ACSS3: variants seen among roughly 807,000 people sequenced by gnomAD.
ACSS3 encodes acyl-CoA synthetase short-chain family member 3, mitochondrial.
In ACSS3, 64 loss-of-function variants were observed where a neutral mutation model predicts 84.2. That is an observed-to-expected ratio of 0.76 (90% CI 0.62 to 0.94). ACSS3 has a LOEUF of 0.94. Ranked by LOEUF, ACSS3 falls within the 40% of genes least tolerant of loss-of-function variation. ACSS3 has a pLI of 0.00. For synonymous variants in ACSS3, 317 were observed against 310.1 expected, an observed-to-expected ratio of 1.02 and a Z score of -0.23; for missense variants, 815 against 867.6, an observed-to-expected ratio of 0.94 and a Z score of 0.76.
At chr12:81,196,526 T>G (rs2031838715) in intron 8 of ACSS3, among the ~76,000 whole-genome samples, 1 of 152,154 alleles carries the variant, frequency 6.6e-6, no homozygotes. Flanking sequence ...ACTAGATATA[T>G]TTTTTGGATT....
At chr12:81,093,605 G>GT (rs34300485) in intron 1 of ACSS3, among the ~76,000 whole-genome samples, 21,504 of 147,734 alleles carry the variant, frequency 0.15, 1,725 homozygotes, top group African/African-American at 0.22. Flanking sequence ...TCCCTTCAGT[G>GT]TTTTTTTTTT....
chr12:81,237,569 T>C (rs1032337383), intron 13 of ACSS3, among the ~76,000 whole-genome samples: 3 of 151,676 alleles, frequency 2.0e-5, no homozygotes, highest in Non-Finnish European at 4.4e-5. Flanking sequence ...ATTTTGAATA[T>C]TACATCATGA....
intron 2 of ACSS3, among the ~76,000 whole-genome samples, chr12:81,118,735 G>C (rs879645774): frequency 6.6e-5 from 10 of 152,134 alleles, no homozygotes; most frequent in East Asian, 3.9e-4. Flanking sequence ...AAGAACAAAG[G>C]CTTCAGTGAG....
At chr12:81,083,265 G>C (rs1408206477) in intron 1 of ACSS3, among the ~76,000 whole-genome samples, 1 of 151,812 alleles carries the variant, frequency 6.6e-6, no homozygotes, top group East Asian at 1.9e-4. Flanking sequence ...GGTAGGCTTT[G>C]TTTGACCTAC....
At chr12:81,227,389 A>G (rs1477303614) in intron 11 of ACSS3, among the ~76,000 whole-genome samples, 3 of 127,408 alleles carry the variant, frequency 2.4e-5, no homozygotes, top group African/African-American at 8.7e-5. Context: ...CATAATGTTG[A>G]GGACTATTTA....
chr12:81,230,586 T>G (rs1166126611), intron 11 of ACSS3, among the ~76,000 whole-genome samples: 2 of 151,822 alleles, frequency 1.3e-5, no homozygotes, highest in African/African-American at 4.8e-5. Context: ...GGGAGGCATA[T>G]TGATTATGAA....
chr12:81,147,357 A>G (rs941537259), intron 5 of ACSS3, among the ~76,000 whole-genome samples: 1 of 152,180 alleles, frequency 6.6e-6, no homozygotes, highest in African/African-American at 2.4e-5. Flanking sequence ...TATACACTAA[A>G]CTGTTCACTC....
At chr12:81,137,885 T>C (rs1199132666) in intron 3 of ACSS3, among the ~76,000 whole-genome samples, 2 of 152,292 alleles carry the variant, frequency 1.3e-5, no homozygotes, top group African/African-American at 4.8e-5. Context: ...CTGCTTTTTT[T>C]TTCCTTTTTG....
intron 1 of ACSS3, among the ~76,000 whole-genome samples, chr12:81,089,547 T>G (rs906208920): frequency 6.6e-6 from 1 of 152,006 alleles, no homozygotes; most frequent in African/African-American, 2.4e-5. Context: ...GATCTAAAAA[T>G]GTTAAATGCT....
intron 7 of ACSS3, among the ~76,000 whole-genome samples, chr12:81,155,981 A>G (rs974034311): frequency 1.3e-5 from 2 of 152,224 alleles, no homozygotes; most frequent in East Asian, 3.8e-4. Flanking sequence ...CAGAATAATT[A>G]CCAAGATAAA....
In ACSS3 at chr12:81,148,493, A is replaced by T. The variant is rs561627025; in HGVS notation, c.922-3351A>T. Among the ~76,000 whole-genome samples, 504 of 152,246 alleles carry T rather than the reference A, an allele frequency of 3.3e-3. 3 individuals are homozygous for T. Among genetic ancestry groups the T allele is most frequent in the African/African-American group, 0.012 (491 of 41,532 alleles). On this transcript the variant is annotated intron_variant, in intron 5 of 15. Coordinates refer to ENST00000548058, the MANE Select transcript of ACSS3 (RefSeq NM_024560.4). Reference sequence around the variant, plus strand: ...TTTACTTGCACTGATTGGATTTTTTAAACACCATAAACATTGTATTTGTCC... The same window carrying T: ...TTTACTTGCACTGATTGGATTTTTTTAACACCATAAACATTGTATTTGTCC...
intron 13 of ACSS3, among the ~76,000 whole-genome samples, chr12:81,244,737 A>T (rs1255522902): frequency 6.6e-6 from 1 of 152,186 alleles, no homozygotes; most frequent in Non-Finnish European, 1.5e-5. Context: ...TTAGAATTTT[A>T]ATCTCTCTGC....
chr12:81,212,624 A>G (rs192206716), intron 9 of ACSS3, among the ~76,000 whole-genome samples: 1 of 152,292 alleles, frequency 6.6e-6, no homozygotes, highest in East Asian at 1.9e-4. Context: ...GTAGTCTTGT[A>G]GTAGTGGGAA....
intron 1 of ACSS3, among the ~76,000 whole-genome samples, chr12:81,087,535 TA>T (rs75213270): frequency 0.066 from 9,834 of 149,454 alleles, 788 homozygotes; most frequent in African/African-American, 0.19. Context: ...TTAGTAAGAC[TA>T]AAAAAAAAAT....
In ACSS3 at chr12:81,228,454, C is replaced by T. The variant is rs562115706; in HGVS notation, c.1515-2603C>T. ...GTGCAACAGCTCTGGAAGCCTGTGT[C>T]CTTAAGGCTTAGTTTTTTCTGGGAG... is the stretch of plus-strand genomic sequence containing the variant. On this transcript the variant is annotated intron_variant, in intron 11 of 15. Coordinates refer to ENST00000548058, the MANE Select transcript of ACSS3 (RefSeq NM_024560.4). Among the ~76,000 whole-genome samples the T allele has an allele frequency of 2.2e-4, 34 of 151,854 alleles. No homozygotes were observed. In the South Asian group the frequency reaches 6.9e-3, roughly 31 times the overall value.
At chr12:81,193,001 G>A (rs558544037) in intron 8 of ACSS3, among the ~76,000 whole-genome samples, 1 of 152,194 alleles carries the variant, frequency 6.6e-6, no homozygotes, top group South Asian at 2.1e-4. Flanking sequence ...AAGGGAGAGA[G>A]AGAGAGATGA....
intron 13 of ACSS3, among the ~76,000 whole-genome samples, chr12:81,252,106 C>A (rs1472435648): frequency 6.6e-6 from 1 of 152,014 alleles, no homozygotes; most frequent in Non-Finnish European, 1.5e-5. Flanking sequence ...TTTGCCCCAA[C>A]CCCTTCTCCT....
At chr12:81,130,255 G>T (rs1276332867) in intron 2 of ACSS3, among the ~76,000 whole-genome samples, 1 of 152,194 alleles carries the variant, frequency 6.6e-6, no homozygotes, top group Non-Finnish European at 1.5e-5. Flanking sequence ...GTGTAAAAAT[G>T]TTCCTATTTC....
intron 4 of ACSS3, 113 bp from the exon 5 acceptor site, chr12:81,142,994 T>G: frequency 1.0e-6 from 1 of 1,004,156 alleles, no homozygotes; most frequent in Non-Finnish European, 1.3e-6. Flanking sequence ...TTCAGTGCCA[T>G]ATAGGCCTAG....
Sources: allele counts gnomAD v4.1 joint callset (sites outside exome capture counted in the v4.1 genomes callset), GRCh38; gene constraint gnomAD v4.1.1; transcripts MANE v1.5; gene names NCBI Gene and HGNC (gene_info 2026-07-23, HGNC 2026-07-21).